PSMG2: variants seen among roughly 807,000 people sequenced by gnomAD.
The protein encoded by PSMG2 is proteasome assembly chaperone 2, also known as CD40 ligand-activated specific transcript 3.
Under a neutral mutation model 31.5 loss-of-function variants are expected in PSMG2, and 21 were observed. The observed-to-expected ratio is 0.67, with a 90% CI of 0.47 to 0.96. PSMG2 has a LOEUF of 0.96. PSMG2 is among the 40% of genes least tolerant of loss of function. PSMG2 has a pLI of 0.00. For synonymous variants in PSMG2, 120 were observed against 110.4 expected, an observed-to-expected ratio of 1.09 and a Z score of -0.54; for missense variants, 318 against 321.2, an observed-to-expected ratio of 0.99 and a Z score of 0.08.
chr18:12,684,986 A>G (rs1420043768), intron 1 of PSMG2: 1 of 151,770 alleles, frequency 6.6e-6, no homozygotes, highest in South Asian at 2.1e-4. Context: ...TATTTTTTCT[A>G]TATTAATTTT....
At chr18:12,702,989 G>A, upstream of PSMG2, 2 of 1,165,130 alleles carry the variant, frequency 1.7e-6, no homozygotes, top group Non-Finnish European at 2.4e-6. Context: ...CCGGCGCCCA[G>A]GGACTCAAAG....
intron 1 of PSMG2, chr18:12,662,167 C>G (rs2038704484): frequency 2.2e-6 from 1 of 448,564 alleles, no homozygotes; most frequent in African/African-American, 2.0e-5. Flanking sequence ...GAGGCACATT[C>G]ACCTAGAAAA....
intron 1 of PSMG2, among the ~76,000 whole-genome samples, chr18:12,682,108 T>A (rs2039371236): frequency 6.6e-6 from 1 of 152,178 alleles, no homozygotes; most frequent in African/African-American, 2.4e-5. Context: ...GTAGGAAGAC[T>A]ACACGCGAAA....
chr18:12,673,774 G>A (rs556470881), intron 1 of PSMG2, among the ~76,000 whole-genome samples: 30 of 152,210 alleles, frequency 2.0e-4, no homozygotes, highest in Non-Finnish European at 3.7e-4. Context: ...CCAGCTACTT[G>A]GGAGGCTGAG....
chr18:12,675,612 G>A (rs1341800008), intron 1 of PSMG2, among the ~76,000 whole-genome samples: 3 of 151,918 alleles, frequency 2.0e-5, no homozygotes, highest in African/African-American at 7.3e-5. Context: ...AGGCCCTTAG[G>A]GAGCTTAAAA....
intron 1 of PSMG2, among the ~76,000 whole-genome samples, chr18:12,660,144 A>G (rs1322443583): frequency 6.6e-6 from 1 of 152,232 alleles, no homozygotes; most frequent in African/African-American, 2.4e-5. Context: ...AAATGGGTTA[A>G]TAAACTGAGG....
upstream of PSMG2, chr18:12,699,709 A>C: frequency 1.7e-6 from 1 of 604,670 alleles, no homozygotes; most frequent in Non-Finnish European, 2.8e-6. Flanking sequence ...GCCAACCATA[A>C]AATTTTAAGT....
At chr18:12,688,131 T>TGAG (rs1001373995) in intron 1 of PSMG2, among the ~76,000 whole-genome samples, 1 of 148,644 alleles carries the variant, frequency 6.7e-6, no homozygotes, top group African/African-American at 2.5e-5. Flanking sequence ...CTTAGGAGGC[T>TGAG]GAGGCAGGAG....
intron 3 of PSMG2, among the ~76,000 whole-genome samples, chr18:12,714,174 C>T (rs1485211323): frequency 6.6e-6 from 1 of 152,240 alleles, no homozygotes; most frequent in Non-Finnish European, 1.5e-5. Context: ...CTACATGTAA[C>T]TATTTACAGT....
chr18:12,680,543 G>C, intron 1 of PSMG2: 1 of 643,130 alleles, frequency 1.6e-6, no homozygotes, highest in Non-Finnish European at 2.4e-6. Flanking sequence ...GTTGCAGTGA[G>C]CTGAGATTGT....
At chr18:12,714,409 ACT>A (rs950947934) in intron 3 of PSMG2, among the ~76,000 whole-genome samples, 3 of 150,208 alleles carry the variant, frequency 2.0e-5, no homozygotes, top group Admixed American at 6.6e-5. Flanking sequence ...TTTCTTAGAG[ACT>A]CCAATGGTTT....
chr18:12,703,003 C>T (rs2040209274), upstream of PSMG2: 4 of 1,329,672 alleles, frequency 3.0e-6, no homozygotes, highest in African/African-American at 1.5e-5. Context: ...CTCAAAGGAC[C>T]CTCCCGCGCC....
chr18:12,668,018 A>G (rs955936468), intron 1 of PSMG2, among the ~76,000 whole-genome samples: 2 of 151,926 alleles, frequency 1.3e-5, no homozygotes, highest in African/African-American at 4.8e-5. Flanking sequence ...TAATCCCAGC[A>G]CTTTGGGAGG....
intron 1 of PSMG2, among the ~76,000 whole-genome samples, chr18:12,683,052 G>A (rs1057264301): frequency 1.3e-5 from 2 of 151,758 alleles, no homozygotes; most frequent in Admixed American, 1.3e-4. Context: ...TTTAAAATGA[G>A]CTTAACTTTA....
chr18:12,708,004 G>A (rs545129239), intron 2 of PSMG2, among the ~76,000 whole-genome samples: 7 of 152,242 alleles, frequency 4.6e-5, no homozygotes, highest in Middle Eastern at 3.4e-3. Context: ...ATTCATGACC[G>A]GGTGCGTTGG....
intron 5 of PSMG2, among the ~76,000 whole-genome samples, chr18:12,723,044 G>A (rs934721489): frequency 6.6e-6 from 1 of 152,246 alleles, no homozygotes; most frequent in African/African-American, 2.4e-5. Flanking sequence ...GGGCTAGGGT[G>A]AGTGAGGCTA....
chr18:12,675,838 T>C (rs1456274883), intron 1 of PSMG2, among the ~76,000 whole-genome samples: 1 of 151,892 alleles, frequency 6.6e-6, no homozygotes, highest in East Asian at 1.9e-4. Flanking sequence ...CCGGCTAATT[T>C]TTGTATTTTT....
intron 1 of PSMG2, chr18:12,680,596 CAAA>C (rs34861312): frequency 0.028 from 20,728 of 743,646 alleles, no homozygotes; most frequent in South Asian, 0.034. Flanking sequence ...GACTCCATCT[CAAA>C]AAAAAAAAAA....
At chr18:12,711,896 G>T (rs2040336111) in intron 2 of PSMG2, among the ~76,000 whole-genome samples, 1 of 151,936 alleles carries the variant, frequency 6.6e-6, no homozygotes, top group Admixed American at 6.6e-5. Flanking sequence ...TAGGACTACA[G>T]GTGCCCGCCG....
Sources: gnomAD v4.1 joint callset for allele counts (sites outside exome capture counted in the v4.1 genomes callset) on GRCh38, gnomAD v4.1.1 for gene constraint, MANE v1.5 for transcripts, NCBI Gene and HGNC (gene_info 2026-07-23, HGNC 2026-07-21) for gene names.